FBXL13: variants seen among roughly 807,000 people sequenced by gnomAD.
The protein encoded by FBXL13 is F-box and leucine-rich repeat protein 13.
FBXL13 carries 67 observed loss-of-function variants against 83.6 expected under a neutral mutation model. The ratio of observed to expected loss-of-function variants is 0.80; its 90% confidence interval spans 0.66 to 0.98. The LOEUF (loss-of-function observed/expected upper bound fraction) is 0.98, where lower values mean the gene tolerates loss of function less well. FBXL13 is among the 50% of genes least tolerant of loss of function. FBXL13 has a pLI of 0.00. For synonymous variants in FBXL13, 272 were observed against 299.5 expected, an observed-to-expected ratio of 0.91 and a Z score of 0.95; for missense variants, 822 against 866.5, an observed-to-expected ratio of 0.95 and a Z score of 0.64.
chr7:102,818,493 T>C (rs1020954282), intron 19 of FBXL13, among the ~76,000 whole-genome samples: 3 of 152,242 alleles, frequency 2.0e-5, no homozygotes, highest in Non-Finnish European at 2.9e-5. Context: ...TTCATACTGA[T>C]AATAAAAGTC....
At chr7:102,850,193 C>T (rs1459777820) in intron 17 of FBXL13, among the ~76,000 whole-genome samples, 1 of 151,994 alleles carries the variant, frequency 6.6e-6, no homozygotes, top group Non-Finnish European at 1.5e-5. Flanking sequence ...AATCTCAGAG[C>T]ACCTAAAAAT....
At chr7:102,975,800 T>A (rs1827345761) in intron 6 of FBXL13, 1 of 600,808 alleles carries the variant, frequency 1.7e-6, no homozygotes. Context: ...CGAGACTTTC[T>A]TAATTTAGCC....
At chr7:102,923,092 A>G (rs1817402909) in intron 10 of FBXL13, among the ~76,000 whole-genome samples, 1 of 152,208 alleles carries the variant, frequency 6.6e-6, no homozygotes, top group Admixed American at 6.5e-5. Context: ...TATGTCAAAG[A>G]GGTATGTCCA....
At chr7:103,071,980 C>T (rs1481024096) in intron 1 of FBXL13, among the ~76,000 whole-genome samples, 1 of 151,780 alleles carries the variant, frequency 6.6e-6, no homozygotes, top group East Asian at 1.9e-4. Context: ...GTTAGGAGTT[C>T]GAGACCGGCC....
intron 8 of FBXL13, among the ~76,000 whole-genome samples, chr7:102,963,332 A>T (rs2129479600): frequency 6.6e-6 from 1 of 152,020 alleles, no homozygotes; most frequent in South Asian, 2.1e-4. Context: ...AAAAAAAAAA[A>T]GAATAGACAA....
At chr7:102,854,900 T>C (rs972168072) in intron 16 of FBXL13, 40 bp from the exon 18 acceptor site, 2 of 1,194,214 alleles carry the variant, frequency 1.7e-6, no homozygotes, top group Admixed American at 2.0e-5. Flanking sequence ...GTGATTATCA[T>C]TTAGTATGGA....
intron 6 of FBXL13, among the ~76,000 whole-genome samples, chr7:102,969,851 GAGGGA>G (rs1441078735): frequency 9.1e-6 from 1 of 109,580 alleles, no homozygotes; most frequent in African/African-American, 3.5e-5. Flanking sequence ...GAGGGGAGGG[GAGGGA>G]AAAGAAAAGA....
At chr7:103,049,832 T>A (rs1402990107) in intron 2 of FBXL13, among the ~76,000 whole-genome samples, 1 of 152,118 alleles carries the variant, frequency 6.6e-6, no homozygotes, top group African/African-American at 2.4e-5. Context: ...ACCTCACAGG[T>A]GCTCTGAGAA....
chr7:102,883,618 C>A, exon 13 of FBXL13: 2 of 1,612,470 alleles, frequency 1.2e-6, no homozygotes, highest in South Asian at 1.1e-5. Context: ...TCTGAAAGTA[C>A]AATCGGAGAT....
chr7:102,990,242 C>T (rs1829422641), intron 6 of FBXL13, among the ~76,000 whole-genome samples: 2 of 152,030 alleles, frequency 1.3e-5, no homozygotes, highest in Non-Finnish European at 1.5e-5. Context: ...CAGACCAGAG[C>T]CAACATCTGG....
At chr7:103,013,882 G>C (rs78962948) in intron 6 of FBXL13, among the ~76,000 whole-genome samples, 1 of 151,684 alleles carries the variant, frequency 6.6e-6, no homozygotes, top group African/African-American at 2.4e-5. Context: ...ATACAAGGTA[G>C]ACTGGTAGAT....
chr7:103,072,061 T>C lies in FBXL13; in HGVS notation c.-105+2185A>G, dbSNP rs542058020. On this transcript the variant is annotated intron_variant, in intron 1 of 19. Transcript: ENST00000313221. Reference sequence around the variant, plus strand: ...AGCTGAGCATGGTGGCAGGTGCCTGTAGTCCCAGCTATTTGGGAGGCTGAG... The same window carrying C: ...AGCTGAGCATGGTGGCAGGTGCCTGCAGTCCCAGCTATTTGGGAGGCTGAG... 2.0e-4 allele frequency among the ~76,000 whole-genome samples: 30 copies of C among 152,060 alleles called. No individual in the cohort carries two copies. The South Asian group carries it at 5.0e-3, about 25-fold the overall frequency.
intron 19 of FBXL13, among the ~76,000 whole-genome samples, chr7:102,813,808 CTATT>C (rs1393867833): frequency 1.3e-5 from 2 of 152,148 alleles, no homozygotes; most frequent in East Asian, 1.9e-4. Context: ...ACTGAGGCCT[CTATT>C]TATTTATACT....
intron 2 of FBXL13, among the ~76,000 whole-genome samples, chr7:103,045,867 T>C (rs972861203): frequency 6.6e-6 from 1 of 152,376 alleles, no homozygotes; most frequent in East Asian, 1.9e-4. Flanking sequence ...ATTTTGGGTT[T>C]CCAGTCTCAC....
chr7:103,051,654 T>C (rs61187383), intron 2 of FBXL13, among the ~76,000 whole-genome samples: 5,449 of 152,236 alleles, frequency 0.036, 300 homozygotes, highest in African/African-American at 0.12. Context: ...AGGAGTTTAA[T>C]TGAACGATGA....
intron 10 of FBXL13, among the ~76,000 whole-genome samples, chr7:102,919,701 T>C (rs961565709): frequency 1.3e-5 from 2 of 152,186 alleles, no homozygotes; most frequent in Non-Finnish European, 2.9e-5. Context: ...AAAGATAAAA[T>C]ACAGAACATG....
chr7:102,954,687 G>T (rs1823968439), intron 8 of FBXL13, among the ~76,000 whole-genome samples: 2 of 152,100 alleles, frequency 1.3e-5, no homozygotes, highest in Non-Finnish European at 2.9e-5. Context: ...AAAATAAAGG[G>T]ATGCGGGAAG....
chr7:102,902,455 ATGTTT>A (rs934843550), intron 11 of FBXL13, among the ~76,000 whole-genome samples: 2 of 152,054 alleles, frequency 1.3e-5, no homozygotes, highest in South Asian at 2.1e-4. Flanking sequence ...TCATTTGTCC[ATGTTT>A]GCTTTGGTTG....
intron 8 of FBXL13, among the ~76,000 whole-genome samples, chr7:102,955,789 T>C (rs986865804): frequency 1.3e-5 from 2 of 151,732 alleles, no homozygotes; most frequent in African/African-American, 4.8e-5. Context: ...CTAGAAGAAA[T>C]GGATAAATTC....
Sources: gnomAD v4.1 joint callset for allele counts (sites outside exome capture counted in the v4.1 genomes callset) on GRCh38, gnomAD v4.1.1 for gene constraint, MANE v1.5 for transcripts, NCBI Gene and HGNC (gene_info 2026-07-23, HGNC 2026-07-21) for gene names.